Variants in NBEA observed in about 807,000 individuals in gnomAD.
NBEA encodes the protein lysosomal-trafficking regulator 2.
Under a neutral mutation model 343.4 loss-of-function variants are expected in NBEA, and 44 were observed. The observed-to-expected ratio is 0.13, with a 90% CI of 0.10 to 0.16. NBEA has a LOEUF of 0.16. Among genes scored for constraint, NBEA ranks in the 10% least tolerant of loss-of-function variants. The pLI, the probability that NBEA is intolerant of heterozygous loss-of-function variation, is 1.00. For missense variants in NBEA, 2,555 were observed against 3,631.3 expected (o/e 0.70, Z 7.62); for synonymous variants, 1,175 against 1,238.7 (o/e 0.95, Z 1.08).
intron 41 of NBEA, among the ~76,000 whole-genome samples, chr13:35,547,240 G>A (rs967151965): frequency 1.3e-5 from 2 of 151,384 alleles, no homozygotes; most frequent in African/African-American, 4.8e-5. Context: ...GTTCAAAATA[G>A]CTTTGGACCT....
intron 39 of NBEA, among the ~76,000 whole-genome samples, chr13:35,448,816 G>A (rs1408607509): frequency 2.0e-5 from 3 of 152,182 alleles, no homozygotes; most frequent in Non-Finnish European, 4.4e-5. Context: ...TGGCAGAACT[G>A]CTGGGCACCA....
intron 1 of NBEA, among the ~76,000 whole-genome samples, chr13:35,030,071 A>G (rs2062151603): frequency 6.6e-6 from 1 of 151,698 alleles, no homozygotes; most frequent in Non-Finnish European, 1.5e-5. Flanking sequence ...CTTCTCTTTT[A>G]TATATGGTCA....
At chr13:35,636,038 A>G (rs2153070040) in intron 49 of NBEA, among the ~76,000 whole-genome samples, 1 of 152,330 alleles carries the variant, frequency 6.6e-6, no homozygotes, top group East Asian at 1.9e-4. Context: ...CTAAAGCCAT[A>G]TTTTACTCAA....
intron 36 of NBEA, among the ~76,000 whole-genome samples, chr13:35,323,884 T>C (rs2038356489): frequency 6.6e-6 from 1 of 152,230 alleles, no homozygotes; most frequent in Non-Finnish European, 1.5e-5. Flanking sequence ...TTCATTTCTA[T>C]GCCATATTTT....
intron 34 of NBEA, among the ~76,000 whole-genome samples, chr13:35,247,130 A>G (rs1325277975): frequency 6.6e-6 from 1 of 152,080 alleles, no homozygotes; most frequent in Admixed American, 6.5e-5. Flanking sequence ...GTCTCATTCC[A>G]ACCATGCCTC....
At chr13:35,276,358 G>A (rs1322681247) in intron 34 of NBEA, among the ~76,000 whole-genome samples, 1 of 152,094 alleles carries the variant, frequency 6.6e-6, no homozygotes, top group Non-Finnish European at 1.5e-5. Flanking sequence ...AGCTTGGATT[G>A]TTTTGACAAA....
chr13:35,149,089 G>A (rs1409373853), intron 18 of NBEA, among the ~76,000 whole-genome samples: 1 of 152,058 alleles, frequency 6.6e-6, no homozygotes, highest in Non-Finnish European at 1.5e-5. Context: ...TTAATATTCC[G>A]ACTTTGTGTC....
At chr13:35,381,732 A>G (rs2042021562) in intron 38 of NBEA, among the ~76,000 whole-genome samples, 1 of 152,078 alleles carries the variant, frequency 6.6e-6, no homozygotes, top group African/African-American at 2.4e-5. Context: ...AAGGAAATAT[A>G]TCTTGAGAGG....
At chr13:35,236,919 A>G (rs887537381) in intron 34 of NBEA, among the ~76,000 whole-genome samples, 4 of 152,038 alleles carry the variant, frequency 2.6e-5, no homozygotes, top group Non-Finnish European at 5.9e-5. Flanking sequence ...GAAATATCTT[A>G]TTGTTTATAT....
intron 34 of NBEA, among the ~76,000 whole-genome samples, chr13:35,267,296 C>A (rs563151940): frequency 6.6e-6 from 1 of 151,974 alleles, no homozygotes; most frequent in South Asian, 2.1e-4. Flanking sequence ...CTGTGCGAGG[C>A]AATGCATATG....
At chr13:35,637,093 C>T (rs868682739) in intron 49 of NBEA, among the ~76,000 whole-genome samples, 1 of 152,134 alleles carries the variant, frequency 6.6e-6, no homozygotes, top group Non-Finnish European at 1.5e-5. Context: ...TTTGTTGTGC[C>T]TGAATAACAA....
At chr13:35,551,089 A>G in intron 43 of NBEA, 57 bp downstream of exon 43, 1 of 994,972 alleles carries the variant, frequency 1.0e-6, no homozygotes, top group Non-Finnish European at 1.5e-6. Context: ...CAATCTCAAT[A>G]TTACAGCAAT....
intron 42 of NBEA, 50 bp downstream of exon 42, chr13:35,550,644 A>G: frequency 9.0e-7 from 1 of 1,106,570 alleles, no homozygotes; most frequent in Non-Finnish European, 1.4e-6. Context: ...TTTACATATT[A>G]TTCATTTACA....
intron 38 of NBEA, among the ~76,000 whole-genome samples, chr13:35,365,436 A>G (rs2041044292): frequency 1.3e-5 from 2 of 151,702 alleles, no homozygotes; most frequent in Non-Finnish European, 3.0e-5. Context: ...CGCAACAAAC[A>G]TCTGTAGTTA....
intron 1 of NBEA, among the ~76,000 whole-genome samples, chr13:35,029,140 T>A (rs1372050144): frequency 6.6e-6 from 1 of 151,516 alleles, no homozygotes; most frequent in Non-Finnish European, 1.5e-5. Flanking sequence ...TCTATTTGAC[T>A]GTTGAGGGCA....
chr13:35,448,520 C>G (rs2046152792), intron 39 of NBEA, among the ~76,000 whole-genome samples: 1 of 152,100 alleles, frequency 6.6e-6, no homozygotes, highest in South Asian at 2.1e-4. Context: ...ACTGTAATGT[C>G]TGAGTTTATA....
In NBEA at chr13:34,942,413, A is replaced by G. The variant is rs2059055387; in HGVS notation, c.-408A>G. ...CACAGCCTGAGCTTCAGCACCGGCC[A>G]GCGTCGTGGCCAGCTGCTCGCGTCC... On this transcript the variant is annotated 5_prime_UTR_variant, in exon 1 of 59. Coordinates refer to ENST00000379939, the MANE Select transcript of NBEA (RefSeq NM_001385012.1). 6.4e-6 allele frequency: 1 copy of G among 156,540 alleles called. No individual in the cohort carries two copies. The highest frequency in any genetic ancestry group is 1.7e-4 in the South Asian group (1 of 5,732). 9.7% of individuals were successfully genotyped at this position (156,540 alleles called of 1,614,324 possible).
intron 1 of NBEA, among the ~76,000 whole-genome samples, chr13:35,011,043 T>C (rs921547310): frequency 6.6e-6 from 1 of 151,782 alleles, no homozygotes; most frequent in Non-Finnish European, 1.5e-5. Flanking sequence ...GAACGAGTCT[T>C]GTAGCAGTTT....
chr13:34,944,991 A>G (rs570074961), intron 1 of NBEA, among the ~76,000 whole-genome samples: 4 of 152,274 alleles, frequency 2.6e-5, no homozygotes, highest in African/African-American at 9.6e-5. Flanking sequence ...AGGAAGTGAA[A>G]TGTTTCTCTT....
Sources: allele counts gnomAD v4.1 joint callset (sites outside exome capture counted in the v4.1 genomes callset), GRCh38; gene constraint gnomAD v4.1.1; transcripts MANE v1.5; gene names NCBI Gene and HGNC (gene_info 2026-07-23, HGNC 2026-07-21).